PCDHA9: variants seen among roughly 807,000 people sequenced by gnomAD.
The protein encoded by PCDHA9 is protocadherin alpha 9.
Under a neutral mutation model 62.0 loss-of-function variants are expected in PCDHA9, and 62 were observed. That is an observed-to-expected ratio of 1.00 (90% CI 0.81 to 1.23). PCDHA9 has a LOEUF of 1.23. Among genes scored for constraint, PCDHA9 ranks in the 50% most tolerant of loss-of-function variants. PCDHA9 has a pLI of 0.00. For synonymous variants in PCDHA9, 557 were observed against 567.6 expected (o/e 0.98, Z 0.27); for missense variants, 1,205 against 1,249.8 (o/e 0.96, Z 0.54).
At chr5:140,966,695 CGGGCGTGGGGCACGGCT>C (rs2096039584) in intron 1 of PCDHA9, 1 of 1,358,374 alleles carries the variant, frequency 7.4e-7, no homozygotes. Flanking sequence ...AGGCGGGGCC[CGGGCGTGGGGCACGGCT>C]GGGGAAGCTG....
At chr5:140,917,357 C>G (rs2078163128) in intron 1 of PCDHA9, among the ~76,000 whole-genome samples, 1 of 146,268 alleles carries the variant, frequency 6.8e-6, no homozygotes, top group African/African-American at 2.5e-5. Context: ...GGCTTCTGTT[C>G]CACTATCTTG....
intron 1 of PCDHA9, among the ~76,000 whole-genome samples, chr5:140,939,170 A>G (rs1554212590): frequency 2.0e-5 from 3 of 152,136 alleles, no homozygotes; most frequent in Admixed American, 1.3e-4. Context: ...GTGTCTGGTA[A>G]TGGCCCACTC....
At chr5:140,986,532 C>G (rs1298199477) in intron 3 of PCDHA9, among the ~76,000 whole-genome samples, 2 of 152,184 alleles carry the variant, frequency 1.3e-5, no homozygotes, top group Non-Finnish European at 2.9e-5. Context: ...GGGAACTGGC[C>G]TGGCTTCAGT....
chr5:140,863,670 C>A (rs2048115377), intron 1 of PCDHA9: 1 of 292,680 alleles, frequency 3.4e-6, no homozygotes, highest in Admixed American at 4.6e-5. Context: ...ATTTATTTTG[C>A]TTTTGCTTTT....
chr5:140,857,873 G>C, intron 1 of PCDHA9: 1 of 1,597,876 alleles, frequency 6.3e-7, no homozygotes, highest in Non-Finnish European at 8.6e-7. Flanking sequence ...GCTGTCGTAT[G>C]AATTGCAGTC....
chr5:140,857,909 T>C (rs1554150840), intron 1 of PCDHA9: 1 of 1,597,744 alleles, frequency 6.3e-7, no homozygotes, highest in Non-Finnish European at 8.6e-7. Flanking sequence ...ACGCATCCCG[T>C]TTCGCGTGGG....
chr5:140,980,504 C>G (rs1440940887), intron 2 of PCDHA9, among the ~76,000 whole-genome samples: 4 of 152,122 alleles, frequency 2.6e-5, no homozygotes, highest in Non-Finnish European at 5.9e-5. Flanking sequence ...ATGGCATGTG[C>G]CTGTAGTTCC....
chr5:140,854,159 CAAAAAA>C, intron 1 of PCDHA9: 1 of 339,904 alleles, frequency 2.9e-6, no homozygotes, highest in Middle Eastern at 1.4e-3. Flanking sequence ...GATTCTGTCT[CAAAAAA>C]AAAAAAAAAA....
At chr5:140,893,066 A>G (rs1221245824) in intron 1 of PCDHA9, among the ~76,000 whole-genome samples, 1 of 152,248 alleles carries the variant, frequency 6.6e-6, no homozygotes, top group Admixed American at 6.5e-5. Flanking sequence ...ACTGCCATGA[A>G]TAACAGGATT....
At chr5:140,950,006 G>A (rs2094439907) in intron 1 of PCDHA9, among the ~76,000 whole-genome samples, 1 of 151,676 alleles carries the variant, frequency 6.6e-6, no homozygotes, top group African/African-American at 2.4e-5. Context: ...ACTTAATAGT[G>A]TACAACCTTC....
chr5:140,967,087 G>T (rs782556858), intron 1 of PCDHA9: 2 of 1,613,138 alleles, frequency 1.2e-6, no homozygotes, highest in East Asian at 4.5e-5. Flanking sequence ...GCATTGATCG[G>T]GAGGCGCTGT....
intron 1 of PCDHA9, among the ~76,000 whole-genome samples, chr5:140,924,252 G>C (rs1306870811): frequency 1.3e-5 from 2 of 152,214 alleles, no homozygotes; most frequent in African/African-American, 4.8e-5. Flanking sequence ...ATCCTGGTGA[G>C]ATCTAATGAG....
At chr5:140,957,070 C>T (rs1260856872) in intron 1 of PCDHA9, among the ~76,000 whole-genome samples, 2 of 151,958 alleles carry the variant, frequency 1.3e-5, no homozygotes, top group Non-Finnish European at 2.9e-5. Context: ...TGACTGAGGG[C>T]TTTTTATTAA....
intron 1 of PCDHA9, chr5:140,927,637 G>C (rs1554204838): frequency 6.2e-7 from 1 of 1,614,176 alleles, no homozygotes; most frequent in Non-Finnish European, 8.5e-7. Flanking sequence ...TGCACCCAAT[G>C]GGACTGTGTT....
chr5:141,009,953 A>G lies in PCDHA9; in HGVS notation c.*16A>G, dbSNP rs782663496. 3 of 1,592,888 alleles carry G rather than the reference A, an allele frequency of 1.9e-6. No homozygotes were observed. Among genetic ancestry groups the G allele is most frequent in the Non-Finnish European group, 2.6e-6 (3 of 1,172,546 alleles). On this transcript the variant is annotated 3_prime_UTR_variant, in exon 4 of 4. Transcript: ENST00000532602. ...TGACCAGTGAGGTCCTCAAATGGAA[A>G]CAAGCCACTTAGCCAGTTTTTGTAA...
chr5:140,977,314 C>T (rs905353961), intron 1 of PCDHA9, among the ~76,000 whole-genome samples: 1 of 152,152 alleles, frequency 6.6e-6, no homozygotes, highest in Non-Finnish European at 1.5e-5. Context: ...AACGATAGTG[C>T]TCCTGATGGC....
chr5:140,850,718 TTCTAGCGCGGTGGGGAGTTGGTCGTAC>T lies in PCDHA9; in HGVS notation c.2226_2252del (p.Ser743_Ser751del), dbSNP rs2041783529. Reference sequence around the variant, plus strand: ...CGCCTGGCAAGCCGACGCTGGTGTGTTCTAGCGCGGTGGGGAGTTGGTCGTACTCGCAGCAGAGGAGGCAGAGGGTGT... The same window carrying T: ...CGCCTGGCAAGCCGACGCTGGTGTGTTCGCAGCAGAGGAGGCAGAGGGTGT... On this transcript the variant is annotated inframe_deletion, in exon 1 of 4. Transcript: ENST00000532602. 1.3e-6 allele frequency: 2 copies of T among 1,597,556 alleles called. No individual in the cohort carries two copies. The highest frequency in any genetic ancestry group is 2.7e-5 in the African/African-American group (2 of 74,074).
In PCDHA9 at chr5:140,967,370, G is replaced by A. The variant is rs1554229504; in HGVS notation, c.2395-11579G>A. ...CGAGCTGGACCTTAAGCCCCTGCAGGAGAACAGTAAAGTGCTTGAGCTGGT... is the reference window on the plus strand; with the variant it reads ...CGAGCTGGACCTTAAGCCCCTGCAGAAGAACAGTAAAGTGCTTGAGCTGGT... On this transcript the variant is annotated intron_variant, in intron 1 of 3. Transcript: ENST00000532602. The A allele has an allele frequency of 3.1e-6, 5 of 1,607,662 alleles. No individual in the cohort carries two copies. The South Asian group carries it at 3.3e-5, about 11-fold the overall frequency.
chr5:140,850,613 G>T lies in PCDHA9; in HGVS notation c.2118G>T (p.Ala706=). ...VNVYLIIAIC[A]VSSLLVLTLL... is the part of the protein sequence containing the mutation. ...TGTACCTGATCATCGCCATCTGCGC[G>T]GTGTCTAGCCTGTTGGTTCTCACGC... The change falls in exon 1 of 4, where the codon GCG becomes GCT. Residue 706 remains alanine, a synonymous_variant. Transcript: ENST00000532602. 1 of 1,598,580 alleles carries T rather than the reference G, an allele frequency of 6.3e-7. No individual in the cohort carries two copies. The highest frequency in any genetic ancestry group is 1.1e-5 in the South Asian group (1 of 90,548).
Sources: gnomAD v4.1 joint callset for allele counts (sites outside exome capture counted in the v4.1 genomes callset) on GRCh38, gnomAD v4.1.1 for gene constraint, MANE v1.5 for transcripts, NCBI Gene and HGNC (gene_info 2026-07-23, HGNC 2026-07-21) for gene names.